GRK1: variants seen among roughly 807,000 people sequenced by gnomAD.
GRK1 encodes the protein G protein-coupled receptor kinase 1.
A neutral mutation model predicts 41.7 loss-of-function variants in GRK1; 28 were observed. The observed-to-expected ratio is 0.67, with a 90% confidence interval of 0.50 to 0.92. GRK1 has a LOEUF of 0.92. Among genes scored for constraint, GRK1 ranks in the 40% least tolerant of loss-of-function variants. The pLI is 0.00. For missense variants in GRK1, 703 were observed against 671.2 expected, an observed-to-expected ratio of 1.05 and a Z score of -0.52; for synonymous variants, 327 against 286.7, an observed-to-expected ratio of 1.14 and a Z score of -1.42.
chr13:113,653,778 TA>T, the GRK1 span, among the ~76,000 whole-genome samples: 3 of 152,226 alleles, frequency 2.0e-5, no homozygotes, highest in Admixed American at 6.5e-5. Context: ...GAACATGCAT[TA>T]AAAAAAATCT....
chr13:113,732,738 G>A (rs1205066821), intron 5 of GRK1, 146 bp from the exon 6 acceptor site: 4 of 748,478 alleles, frequency 5.3e-6, no homozygotes, highest in Non-Finnish European at 8.5e-6. Context: ...AGCCTCAAAC[G>A]CTGCTGTGCT....
chr13:113,729,299 C>T (rs963887829), intron 4 of GRK1, among the ~76,000 whole-genome samples: 5 of 152,226 alleles, frequency 3.3e-5, no homozygotes, highest in Non-Finnish European at 5.9e-5. Context: ...CTCCCTGATC[C>T]GCTGGCGGAG....
chr13:113,665,778 G>A (rs2049814019), upstream of GRK1, among the ~76,000 whole-genome samples: 1 of 144,186 alleles, frequency 6.9e-6, no homozygotes, highest in South Asian at 2.1e-4. Flanking sequence ...TATCCCAGGT[G>A]TGCCCCAGGT....
chr13:113,651,776 G>A, the GRK1 span: 1 of 1,600,724 alleles, frequency 6.2e-7, no homozygotes, highest in Non-Finnish European at 8.5e-7. Flanking sequence ...CCACCGCCAT[G>A]TGAGGTGCAC....
At chr13:113,734,051 CG>C (rs2049983335) in intron 6 of GRK1, among the ~76,000 whole-genome samples, 1 of 140,492 alleles carries the variant, frequency 7.1e-6, no homozygotes. Context: ...TGTGTGCATA[CG>C]TGTGTGTGCA....
chr13:113,651,711 G>A, the GRK1 span: 2 of 1,613,756 alleles, frequency 1.2e-6, no homozygotes, highest in African/African-American at 1.3e-5. Context: ...GCCGTTGCTG[G>A]GGAGGAACTT....
At chr13:113,730,352 C>T (rs369655981) in intron 4 of GRK1, among the ~76,000 whole-genome samples, 9 of 151,316 alleles carry the variant, frequency 5.9e-5, no homozygotes, top group East Asian at 3.9e-4. Flanking sequence ...AGCCCAGACC[C>T]GCCCCTCCAT....
the GRK1 span, chr13:113,652,764 C>G: frequency 7.6e-7 from 1 of 1,317,908 alleles, no homozygotes; most frequent in Non-Finnish European, 1.1e-6. Context: ...GTCCCTGTCC[C>G]GCTTGGGCAA....
rs2049830145 is a variant in GRK1 at position 113,667,908 on chromosome 13, C to T, written c.522C>T (p.Phe174=). The change falls in exon 1 of 7, where the codon TTC becomes TTT. Residue 174 remains phenylalanine (F), a synonymous_variant. Coordinates refer to ENST00000335678, the MANE Select transcript of GRK1 (RefSeq NM_002929.3). The surrounding 1 kb of genome is among the most constrained non-coding windows in gnomAD (Gnocchi z 7.5). ...EYLGSLYFLR[F]LQWKWLEAQP... Reference sequence around the variant, plus strand: ...TGGGCAGCCTGTACTTCCTGAGGTTCCTGCAGTGGAAGTGGCTGGAAGCCC... The same window carrying T: ...TGGGCAGCCTGTACTTCCTGAGGTTTCTGCAGTGGAAGTGGCTGGAAGCCC... 1.2e-6 allele frequency: 2 copies of T among 1,605,918 alleles called. No homozygotes were observed. Among genetic ancestry groups the T allele is most frequent in the Admixed American group, 3.4e-5 (2 of 58,900 alleles).
rs1458906629 is a variant in GRK1 at position 113,736,583 on chromosome 13, A to C, written c.*1220A>C. 6.6e-6 allele frequency: 1 copy of C among 152,218 alleles called. No individual in the cohort carries two copies. Among genetic ancestry groups the C allele is most frequent in the Admixed American group, 6.5e-5 (1 of 15,282 alleles). The allele number at this position is 152,218 out of a possible 1,614,324, so 9.4% of individuals were successfully genotyped here. A position where few individuals can be genotyped will look rare whatever the true frequency, so the allele number is the denominator to read the frequency against. On this transcript the variant is annotated 3_prime_UTR_variant, in exon 7 of 7. Coordinates refer to ENST00000335678, the MANE Select transcript of GRK1 (RefSeq NM_002929.3). ...GGCCGGCGGTGCTGGCCTGGGTTCC[A>C]TGGCCTCAGCAGCCGGCTCAGAGGG...
At chr13:113,733,243 A>G (rs2049950796) in intron 6 of GRK1, 158 bp downstream of exon 6, 2 of 236,670 alleles carry the variant, frequency 8.5e-6, no homozygotes, top group African/African-American at 4.7e-5. Context: ...TCCTCCACTC[A>G]TCATCCCAGC....
Position 113,733,628 on chromosome 13 carries a change from T to C in GRK1, c.1396+543T>C, listed in dbSNP as rs1302964210. 3.3e-5 allele frequency among the ~76,000 whole-genome samples: 5 copies of C among 150,178 alleles called. 1 individual carries two copies. Among genetic ancestry groups the C allele is most frequent in the East Asian group, 4.0e-4 (2 of 5,038 alleles). The stretch of plus-strand genomic sequence containing the variant: ...GCGCATGTGTATGTGTGTGCATACG[T>C]GTGTGCTCATGTATGTGTGCATACG... On this transcript the variant is annotated intron_variant, in intron 6 of 6. Coordinates refer to ENST00000335678, the MANE Select transcript of GRK1 (RefSeq NM_002929.3).
chr13:113,728,467 TGATGAGGAGTACCCATGGC>T (rs1337734023), intron 4 of GRK1, among the ~76,000 whole-genome samples: 1 of 127,368 alleles, frequency 7.9e-6, no homozygotes, highest in Non-Finnish European at 1.7e-5. Flanking sequence ...GTACCCATGG[TGATGAGGAGTACCCATGGC>T]GATGAGGAGT....
the GRK1 span, chr13:113,650,279 A>T: frequency 1.2e-6 from 1 of 863,868 alleles, no homozygotes; most frequent in Non-Finnish European, 1.9e-6. The surrounding 1 kb of genome is among the most constrained non-coding windows in gnomAD (Gnocchi z 5.0). Context: ...AGAACGTTCC[A>T]GTCAGGACCG....
chr13:113,658,667 T>A, the GRK1 span, among the ~76,000 whole-genome samples: 2 of 152,056 alleles, frequency 1.3e-5, no homozygotes, highest in African/African-American at 2.4e-5. Flanking sequence ...GGTCACCCAG[T>A]GGAAGGGTGA....
chr13:113,653,408 C>T, the GRK1 span: 64 of 1,614,128 alleles, frequency 4.0e-5, no homozygotes, highest in Middle Eastern at 3.3e-4. Context: ...CCTTTCTCCC[C>T]GTAAACATCC....
chr13:113,669,961 T>G (rs1485154153), intron 2 of GRK1, 147 bp downstream of exon 2: 34 of 981,136 alleles, frequency 3.5e-5, no homozygotes, highest in Non-Finnish European at 4.7e-5. Flanking sequence ...AATCCCCTTC[T>G]CGCTGTTGGT....
rs1213767816 is a variant in GRK1 at position 113,731,216 on chromosome 13, C to A, written c.1070-3C>A. 1.3e-6 allele frequency: 2 copies of A among 1,536,790 alleles called. No homozygotes were observed. Among genetic ancestry groups the A allele is most frequent in the South Asian group, 2.4e-5 (2 of 84,040 alleles). On this transcript the variant is annotated splice_polypyrimidine_tract_variant and splice_region_variant and intron_variant, in intron 4 of 6. Transcript: ENST00000335678. This position sits in a 1 kb window ranked among gnomAD's most constrained non-coding sequence, Gnocchi z 5.6. The stretch of plus-strand genomic sequence containing the variant: ...CTGAACCCGCAATGTCCCTTGCTGG[C>A]AGGTTTCATGGCCCCCGAGCTCCTG...
the GRK1 span, among the ~76,000 whole-genome samples, chr13:113,661,783 C>G: frequency 9.0e-3 from 1,373 of 152,248 alleles, 19 homozygotes; most frequent in African/African-American, 0.032. Context: ...CACCCGACTT[C>G]AAATAGATAA....
Sources: allele counts gnomAD v4.1 joint callset (sites outside exome capture counted in the v4.1 genomes callset), GRCh38; gene constraint gnomAD v4.1.1; non-coding constraint Gnocchi (gnomAD v3.1); transcripts MANE v1.5; gene names NCBI Gene and HGNC (gene_info 2026-07-23, HGNC 2026-07-21).